Variants in MYO5A observed in about 807,000 individuals in gnomAD.
MYO5A encodes the protein myosin VA, also known as unconventional myosin-Va.
A neutral mutation model predicts 249.7 loss-of-function variants in MYO5A; 98 were observed. The ratio of observed to expected loss-of-function variants is 0.39; its 90% CI spans 0.33 to 0.46. The LOEUF (loss-of-function observed/expected upper bound fraction) is 0.46. MYO5A is among the 20% of genes least tolerant of loss of function. The probability of loss-of-function intolerance (pLI) is 0.98; values close to 1 mark genes in which losing one functional copy is unlikely to be tolerated. For missense variants in MYO5A, 1,696 were observed against 2,308.8 expected (o/e 0.73, Z 5.44); for synonymous variants, 778 against 810.6 (o/e 0.96, Z 0.68).
chr15:52,471,649 G>C (rs1459504767), intron 1 of MYO5A, among the ~76,000 whole-genome samples: 1 of 146,068 alleles, frequency 6.8e-6, no homozygotes, highest in African/African-American at 2.7e-5. Context: ...AACAAAAAAA[G>C]CAACTTCTTT....
Position 52,477,812 on chromosome 15 carries a change from G to A in MYO5A, c.28-44527C>T, listed in dbSNP as rs2076628535. ...GTGCACCCGGCCGTATGAGGTGTGA[G>A]TCAGCCCCAACTGTGAGGTGCCTCC... On this transcript the variant is annotated intron_variant, in intron 1 of 41. Coordinates refer to ENST00000399233, the MANE Select transcript of MYO5A (RefSeq NM_001382347.1). Among the ~76,000 whole-genome samples the A allele has an allele frequency of 2.6e-5, 4 of 152,328 alleles. No homozygotes were observed. In the South Asian group the frequency reaches 8.3e-4, roughly 32 times the overall value.
intron 1 of MYO5A, among the ~76,000 whole-genome samples, chr15:52,521,375 C>CATTT (rs1292421768): frequency 6.6e-6 from 1 of 152,254 alleles, no homozygotes; most frequent in Admixed American, 6.5e-5. Context: ...GTTTCATGTA[C>CATTT]ATTTGTCAAG....
At chr15:52,500,714 ATTCT>A (rs1441642410) in intron 1 of MYO5A, among the ~76,000 whole-genome samples, 1 of 152,082 alleles carries the variant, frequency 6.6e-6, no homozygotes, top group Non-Finnish European at 1.5e-5. Flanking sequence ...AGTTGTAGAA[ATTCT>A]TTATGGATTT....
At chr15:52,431,260 G>A (rs2075529009) in intron 2 of MYO5A, among the ~76,000 whole-genome samples, 1 of 100,530 alleles carries the variant, frequency 9.9e-6, no homozygotes, top group Non-Finnish European at 2.1e-5. Context: ...TAGTGCAGTA[G>A]CTGATGCCTT....
rs775774201 is a variant in MYO5A, at chr15:52,367,138, C to T, written c.3067-14G>A. 4 of 1,605,946 alleles carry T rather than the reference C, an allele frequency of 2.5e-6. No individual in the cohort carries two copies. The South Asian group carries it at 4.4e-5, about 18-fold the overall frequency. On this transcript the variant is annotated splice_polypyrimidine_tract_variant and intron_variant, in intron 22 of 41. Transcript: ENST00000399233. ...ATTTGATACCAGCTACGAAATGAAACAATAAACTGAGATGGTTGCAATGGA... is the reference window on the plus strand; with the variant it reads ...ATTTGATACCAGCTACGAAATGAAATAATAAACTGAGATGGTTGCAATGGA...
chr15:52,505,953 C>T lies in MYO5A; in HGVS notation c.27+22827G>A, dbSNP rs946143382. ...TCTTGGCTGGGCGCAGTGGCTCATA[C>T]CTGTAATCCCATCACTTTGGGAGGC... On this transcript the variant is annotated intron_variant, in intron 1 of 41. Transcript: ENST00000399233. 27 of 1,138,760 alleles carry T rather than the reference C, an allele frequency of 2.4e-5. No homozygotes were observed. The African/African-American group carries it at 3.8e-4, about 16-fold the overall frequency. The allele number at this position is 1,138,760 out of a possible 1,614,324, so 70.5% of individuals were successfully genotyped here.
intron 1 of MYO5A, among the ~76,000 whole-genome samples, chr15:52,468,807 A>G (rs2141441044): frequency 6.6e-6 from 1 of 152,344 alleles, no homozygotes; most frequent in Middle Eastern, 3.4e-3. Context: ...AACAGGCACA[A>G]CCTTTGAGAG....
In MYO5A at chr15:52,321,420, C is replaced by T; in HGVS notation, c.4890G>A (p.Leu1630=). ...LAEYRQVLSD[L]AIQIYQQLVR... is the part of the protein sequence containing the mutation. ...CGAGCTGCTGGTAGATCTGAATGGC[C>T]AAGTCACTCAGCACCTGCCGATACT... is the stretch of plus-strand genomic sequence containing the variant. Residue 1630 remains leucine, a synonymous_variant, in exon 38 of 42, where the codon TTG becomes TTA. Transcript: ENST00000399233. The T allele has an allele frequency of 3.1e-6, 5 of 1,614,120 alleles. No individual in the cohort carries two copies. The highest frequency in any genetic ancestry group is 3.4e-6 in the Non-Finnish European group (4 of 1,180,022).
intron 1 of MYO5A, among the ~76,000 whole-genome samples, chr15:52,465,405 A>G (rs1437341850): frequency 6.6e-6 from 1 of 152,204 alleles, no homozygotes; most frequent in African/African-American, 2.4e-5. Flanking sequence ...GGTTGGTATA[A>G]AATATTTTTC....
At chr15:52,502,217 A>G (rs902589408) in intron 1 of MYO5A, among the ~76,000 whole-genome samples, 14 of 152,100 alleles carry the variant, frequency 9.2e-5, no homozygotes, top group African/African-American at 3.4e-4. Flanking sequence ...TGGGAGTCAG[A>G]GGTTACAGTG....
chr15:52,340,506 T>A (rs1280561810), intron 31 of MYO5A, 112 bp from the exon 32 acceptor site: 1 of 873,372 alleles, frequency 1.1e-6, no homozygotes, highest in Non-Finnish European at 1.8e-6. Context: ...TATTCTTTAG[T>A]ATCTGTGTTA....
intron 35 of MYO5A, among the ~76,000 whole-genome samples, chr15:52,330,148 T>C (rs2038820308): frequency 1.3e-5 from 2 of 152,100 alleles, no homozygotes; most frequent in South Asian, 4.1e-4. Flanking sequence ...TGAGCAATCC[T>C]TGTAGGTGGG....
At chr15:52,464,177 C>T (rs1044494567) in intron 1 of MYO5A, among the ~76,000 whole-genome samples, 1 of 152,146 alleles carries the variant, frequency 6.6e-6, no homozygotes, top group Non-Finnish European at 1.5e-5. Context: ...AGCCCAACCC[C>T]AGGCCAAACC....
intron 1 of MYO5A, among the ~76,000 whole-genome samples, chr15:52,507,729 G>C (rs910866965): frequency 6.7e-6 from 1 of 149,358 alleles, no homozygotes; most frequent in Non-Finnish European, 1.5e-5. Context: ...ACTTGAGCCT[G>C]AGAGGTCGAG....
intron 16 of MYO5A, among the ~76,000 whole-genome samples, chr15:52,381,782 T>TCTCTCTCACA (rs11280608): frequency 8.7e-5 from 12 of 137,766 alleles, no homozygotes; most frequent in Non-Finnish European, 1.2e-4. Context: ...TCTCTCTCTC[T>TCTCTCTCACA]CACACACACA....
At chr15:52,346,297 G>T in intron 30 of MYO5A, 64 bp downstream of exon 30, 1 of 981,190 alleles carries the variant, frequency 1.0e-6, no homozygotes, top group Non-Finnish European at 1.6e-6. Context: ...TGTACAAGAG[G>T]CTGGCTTGAA....
intron 1 of MYO5A, among the ~76,000 whole-genome samples, chr15:52,499,564 C>G (rs1485183725): frequency 1.3e-5 from 2 of 152,178 alleles, no homozygotes; most frequent in African/African-American, 4.8e-5. Flanking sequence ...TTAGGTACTT[C>G]ATGTAAGTAG....
intron 1 of MYO5A, chr15:52,505,917 AT>A (rs79527256): frequency 0.16 from 238,998 of 1,486,212 alleles, 18,138 homozygotes; most frequent in Middle Eastern, 0.2. Context: ...TAAAAAAAAA[AT>A]TTTTCAGACT....
intron 9 of MYO5A, among the ~76,000 whole-genome samples, chr15:52,402,119 G>A (rs1013031709): frequency 1.3e-5 from 2 of 152,210 alleles, no homozygotes; most frequent in Admixed American, 1.3e-4. Context: ...TAGATTTGCA[G>A]TTGCTTCTGT....
Sources: allele counts gnomAD v4.1 joint callset (sites outside exome capture counted in the v4.1 genomes callset), GRCh38; gene constraint gnomAD v4.1.1; transcripts MANE v1.5; gene names NCBI Gene and HGNC (gene_info 2026-07-23, HGNC 2026-07-21).